WDR27: variants seen among roughly 807,000 people sequenced by gnomAD.
WDR27 encodes the protein WD repeat-containing protein 27.
A neutral mutation model predicts 114.4 loss-of-function variants in WDR27; 100 were observed. The ratio of observed to expected loss-of-function variants is 0.87; its 90% CI spans 0.74 to 1.03. WDR27 has a LOEUF of 1.03. Ranked by LOEUF, WDR27 falls within the 50% of genes least tolerant of loss-of-function variation. The pLI, the probability that WDR27 is intolerant of heterozygous loss-of-function variation, is 0.00. For missense variants in WDR27, 1,129 were observed against 1,092.9 expected, an observed-to-expected ratio of 1.03 and a Z score of -0.47; for synonymous variants, 449 against 423.1, an observed-to-expected ratio of 1.06 and a Z score of -0.75.
intron 2 of WDR27, among the ~76,000 whole-genome samples, chr6:169,673,563 G>A (rs1271095233): frequency 6.6e-6 from 1 of 151,774 alleles, no homozygotes; most frequent in Non-Finnish European, 1.5e-5. Context: ...AAAACTGAGG[G>A]AAGTGACCCC....
At chr6:169,604,112 A>G (rs1261384554) in intron 22 of WDR27, among the ~76,000 whole-genome samples, 1 of 152,218 alleles carries the variant, frequency 6.6e-6, no homozygotes, top group Non-Finnish European at 1.5e-5. Context: ...AAAAGACCAG[A>G]GCAGAATTAA....
chr6:169,500,638 C>A (rs556305680), intron 25 of WDR27, among the ~76,000 whole-genome samples: 5 of 152,242 alleles, frequency 3.3e-5, no homozygotes, highest in Admixed American at 3.3e-4. Context: ...CCAGGACCTG[C>A]CCTCCGGGAG....
At chr6:169,564,684 C>T (rs1210291622) in intron 25 of WDR27, among the ~76,000 whole-genome samples, 2 of 139,520 alleles carry the variant, frequency 1.4e-5, no homozygotes, top group Non-Finnish European at 3.2e-5. Flanking sequence ...GGACAGAGCC[C>T]GGTGCTCACA....
intron 22 of WDR27, among the ~76,000 whole-genome samples, chr6:169,606,799 A>G (rs1809291745): frequency 6.6e-6 from 1 of 152,176 alleles, no homozygotes; most frequent in African/African-American, 2.4e-5. Context: ...TTTATAATAG[A>G]ATGATTTATA....
chr6:169,650,427 T>A (rs1458588174), intron 14 of WDR27, among the ~76,000 whole-genome samples: 1 of 131,288 alleles, frequency 7.6e-6, no homozygotes, highest in Non-Finnish European at 1.6e-5. Flanking sequence ...CACCCACTCA[T>A]CCACCTCTCA....
chr6:169,690,292 G>A (rs1052431882), intron 1 of WDR27, among the ~76,000 whole-genome samples: 1 of 152,152 alleles, frequency 6.6e-6, no homozygotes, highest in Non-Finnish European at 1.5e-5. Context: ...AAATCCACCC[G>A]TGTGCTCCTC....
intron 22 of WDR27, among the ~76,000 whole-genome samples, chr6:169,612,386 C>T (rs371746503): frequency 1.3e-4 from 20 of 152,318 alleles, no homozygotes; most frequent in African/African-American, 3.6e-4. Flanking sequence ...CGCCACTGCA[C>T]TCCAGCACTC....
chr6:169,685,692 T>A (rs527983769), intron 2 of WDR27, among the ~76,000 whole-genome samples: 3 of 152,232 alleles, frequency 2.0e-5, no homozygotes, highest in African/African-American at 7.2e-5. Context: ...TAAAAAAGAA[T>A]AAAGCCTATG....
chr6:169,681,160 A>C (rs1781426518), intron 2 of WDR27, among the ~76,000 whole-genome samples: 1 of 152,356 alleles, frequency 6.6e-6, no homozygotes, highest in Non-Finnish European at 1.5e-5. Context: ...GAGAATGCAT[A>C]AAGTATAGTA....
intron 21 of WDR27, among the ~76,000 whole-genome samples, chr6:169,623,350 CTGAT>C (rs1370042595): frequency 1.3e-5 from 2 of 152,216 alleles, no homozygotes; most frequent in Non-Finnish European, 2.9e-5. Flanking sequence ...CCTGGGGAGA[CTGAT>C]TGGAGTCATA....
chr6:169,587,585 T>TC (rs1375825618), intron 23 of WDR27, among the ~76,000 whole-genome samples: 1 of 152,218 alleles, frequency 6.6e-6, no homozygotes, highest in Admixed American at 6.5e-5. Context: ...AAGCTGCTTC[T>TC]CCTGTTATCT....
rs374301604 is a variant in WDR27 at position 169,490,215 on chromosome 6, C to G, written c.2646-32581G>C. Among the ~76,000 whole-genome samples, 20 of 152,340 alleles carry G rather than the reference C, an allele frequency of 1.3e-4. No individual in the cohort carries two copies. In the South Asian group the frequency reaches 2.5e-3, roughly 19 times the overall value. ...CATGTTCTGCCCCCTGCACTTTTTA[C>G]TAGAATAGGTTTAACCTCTGTGCTG... On this transcript the variant is annotated intron_variant, in intron 25 of 25. Transcript: ENST00000448612.
Position 169,668,014 on chromosome 6 carries a change from G to T in WDR27, c.628C>A (p.Leu210Ile). The change falls in exon 5 of 26, where the codon CTC becomes ATC. Residue 210 changes from leucine to isoleucine, a missense_variant. Leu to Ile is a conservative substitution (Grantham distance 5). Coordinates refer to ENST00000448612, the MANE Select transcript of WDR27 (RefSeq NM_182552.5). ...CCTCTGTCCTCAGACGCCGAGATGA[G>T]GGTGCCTGCTCGCCAGGGACAGAAC... ...VEFCPWRAGT[L>I]ISASEDRGFK... The T allele has an allele frequency of 6.2e-7, 1 of 1,613,904 alleles. No individual in the cohort carries two copies. The highest frequency in any genetic ancestry group is 1.1e-5 in the South Asian group (1 of 91,060).
At chr6:169,476,531 G>A (rs1426453135) in intron 25 of WDR27, among the ~76,000 whole-genome samples, 1 of 152,022 alleles carries the variant, frequency 6.6e-6, no homozygotes, top group African/African-American at 2.4e-5. Flanking sequence ...ACTCGTGTTG[G>A]CCCCCTGGAC....
intron 25 of WDR27, chr6:169,559,020 T>C (rs1475848812): frequency 6.6e-6 from 1 of 152,230 alleles, no homozygotes; most frequent in African/African-American, 2.4e-5. Flanking sequence ...TTGGATCGTT[T>C]ACAGTAAAAA....
intron 25 of WDR27, among the ~76,000 whole-genome samples, chr6:169,514,511 TC>T (rs1335067528): frequency 8.1e-5 from 11 of 135,264 alleles, no homozygotes; most frequent in Non-Finnish European, 1.6e-4. Context: ...ATGTATTTTT[TC>T]CCCAACTATA....
chr6:169,544,695 A>G (rs1030449441), intron 25 of WDR27, among the ~76,000 whole-genome samples: 2 of 152,218 alleles, frequency 1.3e-5, no homozygotes, highest in African/African-American at 4.8e-5. Context: ...TTGGCCTCCC[A>G]AAGTGCTGGG....
chr6:169,683,915 C>T (rs1005102095), intron 2 of WDR27, among the ~76,000 whole-genome samples: 10 of 152,194 alleles, frequency 6.6e-5, no homozygotes, highest in Non-Finnish European at 1.2e-4. Flanking sequence ...CCTCACTCCC[C>T]ACCCACCCTG....
At chr6:169,617,709 T>C (rs1812193258) in intron 21 of WDR27, among the ~76,000 whole-genome samples, 1 of 152,154 alleles carries the variant, frequency 6.6e-6, no homozygotes, top group Admixed American at 6.5e-5. Context: ...AAATGGACTT[T>C]CTACTTGGCC....
Sources: allele counts gnomAD v4.1 joint callset (sites outside exome capture counted in the v4.1 genomes callset), GRCh38; gene constraint gnomAD v4.1.1; transcripts MANE v1.5; gene names NCBI Gene and HGNC (gene_info 2026-07-23, HGNC 2026-07-21).